The following DYNC2H1 variants were observed in gnomAD, a reference collection of about 807,000 sequenced individuals.
DYNC2H1 encodes the protein cytoplasmic dynein 2 heavy chain 1.
Under a neutral mutation model 570.0 loss-of-function variants are expected in DYNC2H1, and 410 were observed. The observed-to-expected ratio is 0.72, with a 90% CI of 0.66 to 0.78. The LOEUF (loss-of-function observed/expected upper bound fraction) is 0.78. Ranked by LOEUF, DYNC2H1 falls within the 30% of genes least tolerant of loss-of-function variation. The pLI is 0.00. For missense variants in DYNC2H1, 4,865 were observed against 5,046.4 expected (o/e 0.96, Z 1.09); for synonymous variants, 1,688 against 1,677.6 (o/e 1.01, Z -0.15).
intron 82 of DYNC2H1, among the ~76,000 whole-genome samples, chr11:103,347,519 C>G (rs78318870): frequency 5.4e-5 from 5 of 92,988 alleles, no homozygotes; most frequent in Non-Finnish European, 1.2e-4. Flanking sequence ...GGAATAAAAA[C>G]AAGAGGGAGA....
At chr11:103,478,141 A>C (rs1945623715) in intron 88 of DYNC2H1, among the ~76,000 whole-genome samples, 1 of 152,164 alleles carries the variant, frequency 6.6e-6, no homozygotes, top group Non-Finnish European at 1.5e-5. Context: ...ATATATGTTT[A>C]AACCCACCAG....
chr11:103,113,479 A>T (rs1278233343), intron 1 of DYNC2H1, 58 bp from the exon 2 acceptor site: 1 of 1,366,286 alleles, frequency 7.3e-7, no homozygotes, highest in Non-Finnish European at 9.7e-7. Flanking sequence ...CTTTGTCTAC[A>T]TTTTTTTCAA....
At position 103,319,452 on chromosome 11, in the gene DYNC2H1, AG is replaced by A; in HGVS notation, c.11726-1575del. 6.6e-6 allele frequency among the ~76,000 whole-genome samples: 1 copy of A among 152,174 alleles called. No individual in the cohort carries two copies. On this transcript the variant is annotated intron_variant, in intron 80 of 88. Transcript: ENST00000375735. This position sits in a 1 kb window ranked among gnomAD's most constrained non-coding sequence, Gnocchi z 4.3. ...GCCTGAGTTTCCTGATCTTTAAATT[AG>A]GAATGATAGTAGACACTATCTCAGT...
intron 5 of DYNC2H1, among the ~76,000 whole-genome samples, chr11:103,117,056 T>C (rs563397941): frequency 4.0e-5 from 6 of 150,452 alleles, no homozygotes; most frequent in Non-Finnish European, 4.4e-5. Context: ...GTCATTATTT[T>C]ATAAGGAAAT....
intron 83 of DYNC2H1, among the ~76,000 whole-genome samples, chr11:103,398,523 GA>G (rs1942487527): frequency 6.6e-6 from 1 of 152,094 alleles, no homozygotes; most frequent in African/African-American, 2.4e-5. Flanking sequence ...CTAAATAGAT[GA>G]AAAAGCAACA....
intron 85 of DYNC2H1, among the ~76,000 whole-genome samples, chr11:103,445,230 A>G (rs1944385389): frequency 6.6e-6 from 1 of 152,242 alleles, no homozygotes; most frequent in African/African-American, 2.4e-5. Flanking sequence ...GGATAGTCAC[A>G]TAAATATTTG....
chr11:103,259,333 C>T (rs1865178903), intron 69 of DYNC2H1, among the ~76,000 whole-genome samples: 1 of 152,148 alleles, frequency 6.6e-6, no homozygotes, highest in Non-Finnish European at 1.5e-5. Context: ...ACACTAATAA[C>T]ATGTTTTTCA....
In DYNC2H1 at chr11:103,401,371, G is replaced by C. The variant is rs192525575; in HGVS notation, c.12366+1499G>C. On this transcript the variant is annotated intron_variant, in intron 84 of 88. Transcript: ENST00000375735. ...GACAAATTGCTGTTGAATTAGAAGA[G>C]AATAATAATATAGGAAGATGACATG... Among the ~76,000 whole-genome samples, 27 of 152,224 alleles carry C rather than the reference G, an allele frequency of 1.8e-4. No homozygotes were observed. In the East Asian group the frequency reaches 4.6e-3, roughly 26 times the overall value.
chr11:103,396,037 C>T (rs1942384611), intron 83 of DYNC2H1, among the ~76,000 whole-genome samples: 2 of 152,038 alleles, frequency 1.3e-5, no homozygotes, highest in South Asian at 4.1e-4. Context: ...TTATCTTTAT[C>T]TTCCTTATCA....
chr11:103,391,291 G>C (rs1331120362), intron 83 of DYNC2H1, among the ~76,000 whole-genome samples: 1 of 152,004 alleles, frequency 6.6e-6, no homozygotes, highest in Non-Finnish European at 1.5e-5. Flanking sequence ...GATTGAATTG[G>C]CTACTGAAGC....
At chr11:103,260,642 C>T (rs1363176893) in intron 70 of DYNC2H1, among the ~76,000 whole-genome samples, 1 of 137,952 alleles carries the variant, frequency 7.2e-6, no homozygotes. Context: ...TTTTTGGAGA[C>T]AGAGTCTCTC....
At chr11:103,385,623 GTCCTGGA>G (rs1225515410) in intron 83 of DYNC2H1, among the ~76,000 whole-genome samples, 6 of 152,086 alleles carry the variant, frequency 3.9e-5, no homozygotes, top group Admixed American at 3.9e-4. Flanking sequence ...TAAATCCAGA[GTCCTGGA>G]GGGACTATAG....
intron 85 of DYNC2H1, among the ~76,000 whole-genome samples, chr11:103,444,854 A>C (rs1944373444): frequency 6.6e-6 from 1 of 152,204 alleles, no homozygotes. Flanking sequence ...ACTGGAAATA[A>C]GGTTGAATGG....
chr11:103,348,782 T>C (rs1260908465), intron 82 of DYNC2H1, among the ~76,000 whole-genome samples: 2 of 152,182 alleles, frequency 1.3e-5, no homozygotes, highest in African/African-American at 4.8e-5. Context: ...TGAATTCTAG[T>C]TCCCATATCC....
chr11:103,220,613 T>C lies in DYNC2H1; in HGVS notation c.8947-10T>C. ...AATTTGAAGATAAAAATGGCCTTTTTCTCTTTTAGCCTTTAGTCAATGAAG... is the reference window on the plus strand; with the variant it reads ...AATTTGAAGATAAAAATGGCCTTTTCCTCTTTTAGCCTTTAGTCAATGAAG... On this transcript the variant is annotated splice_polypyrimidine_tract_variant and intron_variant, in intron 56 of 88. Coordinates refer to ENST00000375735, the MANE Select transcript of DYNC2H1 (RefSeq NM_001377.3). The C allele has an allele frequency of 1.9e-6, 3 of 1,567,424 alleles. No homozygotes were observed. Among genetic ancestry groups the C allele is most frequent in the Non-Finnish European group, 2.6e-6 (3 of 1,159,610 alleles).
intron 87 of DYNC2H1, among the ~76,000 whole-genome samples, chr11:103,467,094 A>C (rs1945216332): frequency 6.6e-6 from 1 of 152,184 alleles, no homozygotes. Context: ...GGAAAAGAGT[A>C]GGTTGCATGT....
At chr11:103,140,880 G>A (rs372143168) in intron 17 of DYNC2H1, among the ~76,000 whole-genome samples, 4 of 152,076 alleles carry the variant, frequency 2.6e-5, no homozygotes, top group East Asian at 3.9e-4. Context: ...ATAGTCCCAT[G>A]TTTCTTGGGG....
intron 87 of DYNC2H1, among the ~76,000 whole-genome samples, chr11:103,457,569 A>AATAATG (rs1944836060): frequency 6.8e-6 from 1 of 147,700 alleles, no homozygotes; most frequent in Non-Finnish European, 1.5e-5. Context: ...AAAAACTTAA[A>AATAATG]AAATAATGAT....
At chr11:103,210,202 T>G (rs1463429445) in intron 53 of DYNC2H1, among the ~76,000 whole-genome samples, 3 of 152,100 alleles carry the variant, frequency 2.0e-5, no homozygotes, top group African/African-American at 7.2e-5. Flanking sequence ...AGTTTAAAAC[T>G]TATTTTTCTG....
Sources: allele counts gnomAD v4.1 joint callset (sites outside exome capture counted in the v4.1 genomes callset), GRCh38; gene constraint gnomAD v4.1.1; non-coding constraint Gnocchi (gnomAD v3.1); transcripts MANE v1.5; gene names NCBI Gene and HGNC (gene_info 2026-07-23, HGNC 2026-07-21).